Variants in VPS13B observed in about 807,000 individuals in gnomAD.
The protein encoded by VPS13B is vacuolar protein sorting 13 homolog B.
Under a neutral mutation model 426.4 loss-of-function variants are expected in VPS13B, and 285 were observed. That is an observed-to-expected ratio of 0.67 (90% CI 0.61 to 0.74). The LOEUF is 0.74. Among genes scored for constraint, VPS13B ranks in the 30% least tolerant of loss-of-function variants. VPS13B has a pLI of 0.00. For missense variants in VPS13B, 4,537 were observed against 4,782.6 expected, an observed-to-expected ratio of 0.95 and a Z score of 1.51; for synonymous variants, 1,676 against 1,676.4, an observed-to-expected ratio of 1.00 and a Z score of 0.01.
intron 58 of VPS13B, among the ~76,000 whole-genome samples, chr8:99,865,670 G>A (rs192279597): frequency 2.6e-5 from 4 of 152,308 alleles, no homozygotes; most frequent in Non-Finnish European, 5.9e-5. Context: ...TGGTTTGCTC[G>A]TCTGTTCTGG....
chr8:99,273,272 C>T lies in VPS13B; in HGVS notation c.2516-926C>T, dbSNP rs543251110. On this transcript the variant is annotated intron_variant, in intron 17 of 61. Coordinates refer to ENST00000357162, the MANE Select transcript of VPS13B (RefSeq NM_152564.5). The stretch of plus-strand genomic sequence containing the variant: ...CTCCCGGGTTCAGGTGATTCTCCTG[C>T]CTCAGCCTCCCGAGCAGCTCGGACC... 2.7e-3 allele frequency among the ~76,000 whole-genome samples: 406 copies of T among 151,608 alleles called. 2 individuals are homozygous for T. Among genetic ancestry groups the T allele is most frequent in the Non-Finnish European group, 4.2e-3 (288 of 67,908 alleles).
intron 8 of VPS13B, among the ~76,000 whole-genome samples, chr8:99,133,355 C>T (rs4366054): frequency 0.26 from 39,383 of 152,134 alleles, 5,766 homozygotes; most frequent in East Asian, 0.43. Context: ...TGGATTCAGC[C>T]TTGGCTTAAG....
chr8:99,431,693 T>A, intron 22 of VPS13B, 29 bp downstream of exon 22: 1 of 1,596,154 alleles, frequency 6.3e-7, no homozygotes, highest in East Asian at 2.3e-5. Flanking sequence ...ATATTATGGA[T>A]ATAATTTCTA....
chr8:99,287,205 T>C (rs1161172241), intron 19 of VPS13B, among the ~76,000 whole-genome samples: 2 of 151,448 alleles, frequency 1.3e-5, no homozygotes, highest in Non-Finnish European at 2.9e-5. Context: ...ATTAAGGAGA[T>C]ATATGTGTGT....
chr8:99,330,762 A>G (rs1243023843), intron 19 of VPS13B, among the ~76,000 whole-genome samples: 1 of 151,826 alleles, frequency 6.6e-6, no homozygotes, highest in African/African-American at 2.4e-5. Context: ...TTCAACCAGA[A>G]CGGAAACTAT....
At chr8:99,529,129 T>C (rs780838430) in intron 30 of VPS13B, among the ~76,000 whole-genome samples, 5 of 152,166 alleles carry the variant, frequency 3.3e-5, no homozygotes, top group Non-Finnish European at 4.4e-5. Context: ...AAGATAATCG[T>C]GTTTATTTTT....
intron 39 of VPS13B, among the ~76,000 whole-genome samples, chr8:99,723,884 G>A (rs1309467396): frequency 6.6e-6 from 1 of 152,180 alleles, no homozygotes; most frequent in Non-Finnish European, 1.5e-5. Flanking sequence ...AGGGAGAGCT[G>A]GATCCTAGTG....
rs1269361056 is a variant in VPS13B at position 99,877,108 on chromosome 8, A to G, written c.*1442A>G. On this transcript the variant is annotated 3_prime_UTR_variant, in exon 62 of 62. Coordinates refer to ENST00000357162, the MANE Select transcript of VPS13B (RefSeq NM_152564.5). ...ACTCCTCAGTTCACGCATTCCTCCC[A>G]CCTCCACCTCCCAAACTGCTGGGAT... The G allele has an allele frequency of 1.3e-5, 2 of 151,762 alleles. No individual in the cohort carries two copies. The highest frequency in any genetic ancestry group is 4.8e-5 in the African/African-American group (2 of 41,304). The allele number at this position is 151,762 out of a possible 1,614,324, so 9.4% of individuals were successfully genotyped here. A position where few individuals can be genotyped will look rare whatever the true frequency, so the allele number is the denominator to read the frequency against.
chr8:99,297,881 T>C (rs375005138), intron 19 of VPS13B, among the ~76,000 whole-genome samples: 2 of 152,310 alleles, frequency 1.3e-5, no homozygotes, highest in African/African-American at 4.8e-5. Context: ...CATCCTGTTG[T>C]TGGCTGTCTT....
intron 33 of VPS13B, among the ~76,000 whole-genome samples, chr8:99,624,748 C>G (rs1828530648): frequency 6.6e-6 from 1 of 151,498 alleles, no homozygotes. Context: ...TTCTTTTCTA[C>G]CATTCTGACT....
chr8:99,598,505 T>C (rs1827126782), intron 33 of VPS13B, among the ~76,000 whole-genome samples: 2 of 152,066 alleles, frequency 1.3e-5, no homozygotes, highest in South Asian at 4.1e-4. Flanking sequence ...TTAAGTCTAC[T>C]TACAGAGGTA....
chr8:99,060,548 G>T (rs1410283571), intron 3 of VPS13B, among the ~76,000 whole-genome samples: 1 of 151,768 alleles, frequency 6.6e-6, no homozygotes, highest in East Asian at 1.9e-4. Flanking sequence ...GGCGGATTTT[G>T]CAGTGAGCCG....
chr8:99,685,090 C>T (rs781303498), intron 35 of VPS13B, among the ~76,000 whole-genome samples: 1 of 152,208 alleles, frequency 6.6e-6, no homozygotes, highest in Non-Finnish European at 1.5e-5. Context: ...TATGAGCCAC[C>T]GCGCCTGGCC....
At chr8:99,323,460 G>A (rs918974257) in intron 19 of VPS13B, among the ~76,000 whole-genome samples, 3 of 152,010 alleles carry the variant, frequency 2.0e-5, no homozygotes. Context: ...CTTCATTTTT[G>A]CATTGAGAAA....
intron 17 of VPS13B, among the ~76,000 whole-genome samples, chr8:99,217,410 G>T (rs1815446348): frequency 6.6e-6 from 1 of 152,184 alleles, no homozygotes; most frequent in Non-Finnish European, 1.5e-5. Flanking sequence ...TAGTACCTAA[G>T]AATGTGATTT....
Position 99,848,904 on chromosome 8 carries a change from A to G in VPS13B, c.10061+10A>G, listed in dbSNP as rs1482823502. 6.2e-7 allele frequency: 1 copy of G among 1,611,492 alleles called. No homozygotes were observed. Among genetic ancestry groups the G allele is most frequent in the South Asian group, 1.1e-5 (1 of 91,026 alleles). On this transcript the variant is annotated intron_variant, in intron 55 of 61. Transcript: ENST00000357162. ...TAACCAATACCAACAGGTAGGTTTA[A>G]TTATTTTCCCAGTGACAACATAGTA... is the stretch of plus-strand genomic sequence containing the variant.
In VPS13B at chr8:99,170,073, A is replaced by T; in HGVS notation, c.2243A>T (p.Asp748Val). ...FGFQAGLTSL[D>V]CSGSYCLPVP... ...TTCCAGGCAGGACTGACGTCTTTGG[A>T]TTGCAGTGGATCTTACTGCTTACCT... The change falls in exon 16 of 62, where the codon GAT becomes GTT. Residue 748 changes from aspartate (D) to valine (V), a missense_variant. Asp to Val is a radical substitution (Grantham distance 152, BLOSUM62 -3). Coordinates refer to ENST00000357162, the MANE Select transcript of VPS13B (RefSeq NM_152564.5). 6.2e-7 allele frequency: 1 copy of T among 1,612,810 alleles called. No individual in the cohort carries two copies. Among genetic ancestry groups the T allele is most frequent in the East Asian group, 2.2e-5 (1 of 44,840 alleles).
chr8:99,420,296 T>C (rs182443751), intron 21 of VPS13B, among the ~76,000 whole-genome samples: 159 of 152,252 alleles, frequency 1.0e-3, no homozygotes, highest in African/African-American at 3.7e-3. Context: ...TTTGGTGCCA[T>C]TGGCTTATAC....
intron 30 of VPS13B, among the ~76,000 whole-genome samples, chr8:99,545,277 A>G (rs917320009): frequency 2.3e-4 from 35 of 152,128 alleles, no homozygotes; most frequent in Admixed American, 6.6e-5. Context: ...TAAAATGAAT[A>G]TTCTTCAACA....
Sources: gnomAD v4.1 joint callset for allele counts (sites outside exome capture counted in the v4.1 genomes callset) on GRCh38, gnomAD v4.1.1 for gene constraint, MANE v1.5 for transcripts, NCBI Gene and HGNC (gene_info 2026-07-23, HGNC 2026-07-21) for gene names.